Variants in TDRD10 observed in about 807,000 individuals in gnomAD.
TDRD10 encodes tudor domain containing 10, also known as tudor domain-containing protein 10.
Under a neutral mutation model 48.0 loss-of-function variants are expected in TDRD10, and 40 were observed. The ratio of observed to expected loss-of-function variants is 0.83; its 90% CI spans 0.65 to 1.09. The LOEUF is 1.09. TDRD10 is among the 50% of genes least tolerant of loss of function. TDRD10 has a pLI of 0.00. For synonymous variants in TDRD10, 162 were observed against 170.4 expected, an observed-to-expected ratio of 0.95 and a Z score of 0.38; for missense variants, 378 against 434.7, an observed-to-expected ratio of 0.87 and a Z score of 1.16.
Position 154,547,724 on chromosome 1 carries a change from A to G in TDRD10, c.*14A>G. The G allele has an allele frequency of 6.2e-7, 1 of 1,613,018 alleles. No homozygotes were observed. The highest frequency in any genetic ancestry group is 8.5e-7 in the Non-Finnish European group (1 of 1,179,890). The stretch of plus-strand genomic sequence containing the variant: ...GAGTCTAAATAACGGGGCTTCCCTC[A>G]GCATGTTCCCTCTCCTGTTTGCCAC... On this transcript the variant is annotated 3_prime_UTR_variant, in exon 13 of 13. Coordinates refer to ENST00000368482, the MANE Select transcript of TDRD10 (RefSeq NM_182499.4).
chr1:154,541,024 G>A (rs1695199649), intron 6 of TDRD10, among the ~76,000 whole-genome samples: 1 of 152,172 alleles, frequency 6.6e-6, no homozygotes, highest in African/African-American at 2.4e-5. Flanking sequence ...GGAGATGTGA[G>A]TGTGGAGGTA....
intron 5 of TDRD10, among the ~76,000 whole-genome samples, chr1:154,520,910 G>A (rs112035396): frequency 5.9e-5 from 9 of 152,202 alleles, no homozygotes; most frequent in African/African-American, 2.2e-4. Flanking sequence ...GCTAATTTTT[G>A]TATTTGTTTG....
Position 154,532,806 on chromosome 1 carries a change from G to A in TDRD10, c.370-9218G>A, listed in dbSNP as rs139564096. Among the ~76,000 whole-genome samples, 1,039 of 152,278 alleles carry A rather than the reference G, an allele frequency of 6.8e-3. 5 individuals are homozygous for A. Among genetic ancestry groups the A allele is most frequent in the South Asian group, 0.02 (97 of 4,824 alleles). On this transcript the variant is annotated intron_variant, in intron 6 of 12. Coordinates refer to ENST00000368482, the MANE Select transcript of TDRD10 (RefSeq NM_182499.4). Reference sequence around the variant, plus strand: ...CCACAGGGGAACACGGTACTGCCTCGCTGCTGCCAGGTGAGGATGGAAGTC... The same window carrying A: ...CCACAGGGGAACACGGTACTGCCTCACTGCTGCCAGGTGAGGATGGAAGTC...
intron 3 of TDRD10, 23 bp downstream of exon 3, chr1:154,507,343 C>T (rs772525090): frequency 1.2e-6 from 2 of 1,612,890 alleles, no homozygotes; most frequent in Non-Finnish European, 1.7e-6. Context: ...GGGGGATTCG[C>T]TGGTGCTGGG....
At position 154,544,782 on chromosome 1, in the gene TDRD10, T is replaced by A. The variant is rs768067970; in HGVS notation, c.798-13T>A. 2 of 1,613,156 alleles carry A rather than the reference T, an allele frequency of 1.2e-6. No homozygotes were observed. Among genetic ancestry groups the A allele is most frequent in the Admixed American group, 1.7e-5 (1 of 59,904 alleles). The stretch of plus-strand genomic sequence containing the variant: ...GAATGATTGTCCTCTGTCTTTCTCT[T>A]TTCCTCTGCCAGGTGTTGGGTGCTG... On this transcript the variant is annotated splice_polypyrimidine_tract_variant and intron_variant, in intron 10 of 12. Transcript: ENST00000368482.
chr1:154,531,844 A>G (rs939367598), intron 6 of TDRD10, among the ~76,000 whole-genome samples: 1 of 152,124 alleles, frequency 6.6e-6, no homozygotes, highest in Non-Finnish European at 1.5e-5. Flanking sequence ...TGCGTTTACA[A>G]TCCCTGAGCT....
At chr1:154,526,417 ATTTT>A (rs58821375) in intron 6 of TDRD10, among the ~76,000 whole-genome samples, 12,263 of 133,104 alleles carry the variant, frequency 0.092, 1,759 homozygotes, top group African/African-American at 0.31. Flanking sequence ...ACTTTCACAG[ATTTT>A]TTTTTTTTTT....
At chr1:154,512,182 A>G (rs1165385558) in intron 4 of TDRD10, among the ~76,000 whole-genome samples, 1 of 152,158 alleles carries the variant, frequency 6.6e-6, no homozygotes, top group African/African-American at 2.4e-5. Context: ...CCTGGTAACC[A>G]TGAATCTACT....
rs751539823 is a variant in TDRD10, at chr1:154,547,485, T to G, written c.1023+6T>G. Reference sequence around the variant, plus strand: ...CTGGTGCTTTGAACTCGGCGGTAACTGCTCCTGCATCTAACTTGGCTGTTG... The same window carrying G: ...CTGGTGCTTTGAACTCGGCGGTAACGGCTCCTGCATCTAACTTGGCTGTTG... On this transcript the variant is annotated splice_donor_region_variant and intron_variant, in intron 12 of 12. Transcript: ENST00000368482. 2 of 1,614,224 alleles carry G rather than the reference T, an allele frequency of 1.2e-6. No homozygotes were observed. The highest frequency in any genetic ancestry group is 2.2e-5 in the South Asian group (2 of 91,086).
intron 1 of TDRD10, among the ~76,000 whole-genome samples, chr1:154,504,450 T>C (rs1006351480): frequency 3.3e-5 from 5 of 152,218 alleles, no homozygotes; most frequent in Non-Finnish European, 1.5e-5. Context: ...CTGCCAAACT[T>C]TTCCAAAGTG....
At chr1:154,540,201 G>GT (rs1392921166) in intron 6 of TDRD10, among the ~76,000 whole-genome samples, 1 of 152,220 alleles carries the variant, frequency 6.6e-6, no homozygotes, top group Non-Finnish European at 1.5e-5. Context: ...AGGGCTCCCT[G>GT]TTTGCTGTCA....
chr1:154,516,996 G>A (rs547828047), intron 4 of TDRD10, among the ~76,000 whole-genome samples: 1 of 152,308 alleles, frequency 6.6e-6, no homozygotes, highest in Non-Finnish European at 1.5e-5. Flanking sequence ...GGACAGGACG[G>A]CTAGGAGAAA....
chr1:154,527,781 T>C (rs1448291608), intron 6 of TDRD10, among the ~76,000 whole-genome samples: 1 of 152,270 alleles, frequency 6.6e-6, no homozygotes, highest in East Asian at 1.9e-4. Flanking sequence ...AAAGGTGTCA[T>C]AGACTTTGGC....
At chr1:154,527,392 T>C (rs1694373016) in intron 6 of TDRD10, among the ~76,000 whole-genome samples, 2 of 151,916 alleles carry the variant, frequency 1.3e-5, no homozygotes, top group African/African-American at 4.8e-5. Context: ...GGGGAAAGGA[T>C]ACACACTTCA....
chr1:154,521,431 G>T lies in TDRD10; in HGVS notation c.321G>T (p.Arg107Ser), dbSNP rs1482283379. The change falls in exon 6 of 13, where the codon AGG becomes AGT. Residue 107 changes from arginine to serine, a missense_variant. Coordinates refer to ENST00000368482, the MANE Select transcript of TDRD10 (RefSeq NM_182499.4). ...AACTGTTCGTGAATACAAGCAAAAG[G>T]CCCCCCAAGAGGACCCCTGATATGA... ...KRKLFVNTSK[R>S]PPKRTPDMIQ... 1.2e-6 allele frequency: 2 copies of T among 1,614,104 alleles called. No individual in the cohort carries two copies. The highest frequency in any genetic ancestry group is 4.5e-5 in the East Asian group (2 of 44,890).
intron 4 of TDRD10, among the ~76,000 whole-genome samples, chr1:154,513,081 A>G (rs532522200): frequency 1.3e-5 from 2 of 152,278 alleles, no homozygotes; most frequent in Admixed American, 1.3e-4. Context: ...TATTTTATCT[A>G]TTTTTGTTCT....
intron 11 of TDRD10, among the ~76,000 whole-genome samples, 154 bp from the exon 12 acceptor site, chr1:154,547,255 C>T (rs1695650608): frequency 6.6e-6 from 1 of 152,196 alleles, no homozygotes; most frequent in Non-Finnish European, 1.5e-5. Flanking sequence ...ATCCTGGCAG[C>T]AGGGATTTAG....
intron 4 of TDRD10, among the ~76,000 whole-genome samples, chr1:154,517,622 A>G (rs549578774): frequency 1.6e-4 from 24 of 152,160 alleles, no homozygotes; most frequent in African/African-American, 4.3e-4. Flanking sequence ...GGGTTTCACC[A>G]TGTTGGTCAG....
In TDRD10 at chr1:154,547,825, T is replaced by G; in HGVS notation, c.*115T>G. On this transcript the variant is annotated 3_prime_UTR_variant, in exon 13 of 13. Transcript: ENST00000368482. ...GCCTGGGAGGTGAAAAAGGCCAGAC[T>G]GTGCCCAGGATTGATTCAATTTTGC... 1 of 1,318,306 alleles carries G rather than the reference T, an allele frequency of 7.6e-7. No homozygotes were observed. Among genetic ancestry groups the G allele is most frequent in the Non-Finnish European group, 1.1e-6 (1 of 923,846 alleles). 81.7% of individuals were successfully genotyped at this position (1,318,306 alleles called of 1,614,324 possible).
Sources: gnomAD v4.1 joint callset for allele counts (sites outside exome capture counted in the v4.1 genomes callset) on GRCh38, gnomAD v4.1.1 for gene constraint, MANE v1.5 for transcripts, NCBI Gene and HGNC (gene_info 2026-07-23, HGNC 2026-07-21) for gene names.